The following TSPAN11 variants were observed in gnomAD, a reference collection of about 807,000 sequenced individuals.
The protein encoded by TSPAN11 is tetraspanin 11, also known as tetraspanin-11.
A neutral mutation model predicts 32.9 loss-of-function variants in TSPAN11; 29 were observed. That is an observed-to-expected ratio of 0.88 (90% CI 0.66 to 1.20). The LOEUF (loss-of-function observed/expected upper bound fraction) is 1.20, where lower values mean the gene tolerates loss of function less well. TSPAN11 is among the 50% of genes most tolerant of loss of function. The pLI is 0.00. For missense variants in TSPAN11, 283 were observed against 329.1 expected, an observed-to-expected ratio of 0.86 and a Z score of 1.08; for synonymous variants, 140 against 141.3, an observed-to-expected ratio of 0.99 and a Z score of 0.07.
chr12:30,964,125 G>A (rs1333846241), intron 3 of TSPAN11, 108 bp downstream of exon 3: 5 of 1,295,198 alleles, frequency 3.9e-6, no homozygotes, highest in Non-Finnish European at 5.1e-6. Context: ...GGCTGAGGCT[G>A]TGGGAGTGCC....
intron 1 of TSPAN11, among the ~76,000 whole-genome samples, chr12:30,941,532 C>T (rs1408548895): frequency 6.6e-6 from 1 of 152,198 alleles, no homozygotes; most frequent in Non-Finnish European, 1.5e-5. Context: ...GAACTGAGGC[C>T]CAAAGGCAAG....
Position 30,979,575 on chromosome 12 carries a change from G to A in TSPAN11, c.361G>A (p.Glu121Lys). 1 of 1,614,204 alleles carries A rather than the reference G, an allele frequency of 6.2e-7. No individual in the cohort carries two copies. ...CTCCTACCCTCCTCAGCTGAGTGAT[G>A]AACTGAAGCAGCACTTGAACCGGAC... The part of the protein sequence containing the change: ...AHVYYQRLSD[E>K]LKQHLNRTLA... Residue 121 changes from glutamate to lysine, a missense_variant, in exon 5 of 8, where the codon GAA becomes AAA. Physicochemically the swap from Glu to Lys is moderately conservative, Grantham distance 56. Transcript: ENST00000546076.
intron 5 of TSPAN11, among the ~76,000 whole-genome samples, chr12:30,979,938 C>A (rs1939055034): frequency 6.6e-6 from 1 of 152,226 alleles, no homozygotes; most frequent in Non-Finnish European, 1.5e-5. Context: ...TGCTGCCTTC[C>A]CGTTCTGGGG....
At position 30,963,800 on chromosome 12, in the gene TSPAN11, T is replaced by TG. The variant is rs1225929377; in HGVS notation, c.85-25dup. Reference sequence around the variant, plus strand: ...AGCTGCCGAGGCCCCCGCCACCCCCTGCTCTAACCCGGTGGTCTCCTGCAG... The same window carrying TG: ...AGCTGCCGAGGCCCCCGCCACCCCCTGGCTCTAACCCGGTGGTCTCCTGCAG... On this transcript the variant is annotated intron_variant, in intron 2 of 7. Transcript: ENST00000546076. 1.9e-6 allele frequency: 3 copies of TG among 1,597,578 alleles called. No individual in the cohort carries two copies. The African/African-American group carries it at 4.0e-5, about 21-fold the overall frequency.
Position 30,991,979 on chromosome 12 carries a change from G to A in TSPAN11, c.*64G>A. 1 of 1,583,168 alleles carries A rather than the reference G, an allele frequency of 6.3e-7. No homozygotes were observed. Among genetic ancestry groups the A allele is most frequent in the Non-Finnish European group, 8.7e-7 (1 of 1,152,478 alleles). ...ACATGTGGCCACATGCCATCTGCAA[G>A]GCCTGCAGAGTTAGCACCAGCTCCA... On this transcript the variant is annotated 3_prime_UTR_variant, in exon 8 of 8. Transcript: ENST00000546076.
At chr12:30,932,422 A>C (rs1042893892) in intron 1 of TSPAN11, among the ~76,000 whole-genome samples, 7 of 152,174 alleles carry the variant, frequency 4.6e-5, no homozygotes, top group Non-Finnish European at 8.8e-5. Context: ...TTTTGTTCTT[A>C]CCAGAGCAGT....
chr12:30,982,425 C>T lies in TSPAN11; in HGVS notation c.457-107C>T, dbSNP rs1040517092. The T allele has an allele frequency of 3.6e-5, 52 of 1,440,066 alleles. No individual in the cohort carries two copies. The Middle Eastern group carries it at 7.5e-4, about 21-fold the overall frequency. The allele number at this position is 1,440,066 out of a possible 1,614,324, so 89.2% of individuals were successfully genotyped here. A position where few individuals can be genotyped will look rare whatever the true frequency, so the allele number is the denominator to read the frequency against. On this transcript the variant is annotated intron_variant, in intron 5 of 7. Transcript: ENST00000546076. ...ATACAAATACTAACTAACCATGGTT[C>T]GGGTAGACAAATAGGGGTTGGGTTA...
chr12:30,988,021 G>A (rs1156557890), intron 7 of TSPAN11, among the ~76,000 whole-genome samples: 1 of 152,232 alleles, frequency 6.6e-6, no homozygotes, highest in East Asian at 1.9e-4. Flanking sequence ...GGGCCGGCAG[G>A]GATGCTGAAG....
rs1160837018 is a variant in TSPAN11 at position 30,975,840 on chromosome 12, G to A, written c.277-2721G>A. 6.6e-6 allele frequency among the ~76,000 whole-genome samples: 1 copy of A among 152,140 alleles called. No homozygotes were observed. Among genetic ancestry groups the A allele is most frequent in the Admixed American group, 6.5e-5 (1 of 15,284 alleles). ...CCAGCAGCCTGGGTGCTCCTGTCAG[G>A]GGCACTCCATCACCTCTTCCTCCCA... On this transcript the variant is annotated intron_variant, in intron 3 of 7. Coordinates refer to ENST00000546076, the MANE Select transcript of TSPAN11 (RefSeq NM_001370302.1). The surrounding 1 kb of genome is among the most constrained non-coding windows in gnomAD (Gnocchi z 4.5).
chr12:30,978,485 C>T, intron 3 of TSPAN11, 76 bp from the exon 4 acceptor site: 3 of 1,457,536 alleles, frequency 2.1e-6, no homozygotes, highest in Non-Finnish European at 2.9e-6. Flanking sequence ...CTCTACCACC[C>T]CCACCACTGT....
chr12:30,951,346 A>G (rs1366985668), intron 1 of TSPAN11, among the ~76,000 whole-genome samples: 1 of 152,202 alleles, frequency 6.6e-6, no homozygotes, highest in African/African-American at 2.4e-5. Flanking sequence ...GAGAAGTTCT[A>G]TTCTAACAAA....
At chr12:30,949,974 GCT>G (rs1220575713) in intron 1 of TSPAN11, among the ~76,000 whole-genome samples, 1 of 151,904 alleles carries the variant, frequency 6.6e-6, no homozygotes, top group Non-Finnish European at 1.5e-5. Context: ...TCCTCCAGTG[GCT>G]CTCTTTTTAG....
At chr12:31,010,427 T>G in the TSPAN11 span, among the ~76,000 whole-genome samples, 2 of 152,282 alleles carry the variant, frequency 1.3e-5, no homozygotes, top group East Asian at 3.9e-4. Context: ...ACTTCCCATA[T>G]GTGGAGTGAA....
intron 3 of TSPAN11, among the ~76,000 whole-genome samples, chr12:30,970,283 G>T (rs1040174860): frequency 6.6e-6 from 1 of 152,150 alleles, no homozygotes; most frequent in Non-Finnish European, 1.5e-5. Flanking sequence ...CCCAGTCTGG[G>T]GGCTGCTCTC....
downstream of TSPAN11, among the ~76,000 whole-genome samples, chr12:30,999,780 G>A (rs1319654259): frequency 6.6e-6 from 1 of 152,042 alleles, no homozygotes; most frequent in Non-Finnish European, 1.5e-5. Flanking sequence ...TCCAGAACTC[G>A]GTAACCAGAA....
Position 30,994,168 on chromosome 12 carries a change from C to CA in TSPAN11, c.*2254dup, listed in dbSNP as rs1939371868. 1 of 152,328 alleles carries CA rather than the reference C, an allele frequency of 6.6e-6. No homozygotes were observed. Among genetic ancestry groups the CA allele is most frequent in the African/African-American group, 2.4e-5 (1 of 41,450 alleles). The allele number at this position is 152,328 out of a possible 1,614,324, so 9.4% of individuals were successfully genotyped here. On this transcript the variant is annotated 3_prime_UTR_variant, in exon 8 of 8. Transcript: ENST00000546076. ...GGAGATGAGACAGGGTTAGAGGAAACAGAGGCCCAGGATACGGCAGGTTCT... is the reference window on the plus strand; with the variant it reads ...GGAGATGAGACAGGGTTAGAGGAAACAAGAGGCCCAGGATACGGCAGGTTCT...
chr12:31,013,625 C>CAA, the TSPAN11 span, among the ~76,000 whole-genome samples: 2 of 151,184 alleles, frequency 1.3e-5, no homozygotes, highest in African/African-American at 4.9e-5. Flanking sequence ...CAAAACAAAA[C>CAA]GAGGGAGCAT....
intron 1 of TSPAN11, among the ~76,000 whole-genome samples, chr12:30,941,378 A>T (rs1938160576): frequency 6.6e-6 from 1 of 152,230 alleles, no homozygotes. Context: ...AGCCACGGTT[A>T]TTCCTAGGCA....
chr12:30,932,692 G>A lies in TSPAN11; in HGVS notation c.-12+5896G>A, dbSNP rs557460525. On this transcript the variant is annotated intron_variant, in intron 1 of 7. Coordinates refer to ENST00000546076, the MANE Select transcript of TSPAN11 (RefSeq NM_001370302.1). ...GAGATCTACTAAAACCTATGGAACC[G>A]CAGCACATAGATGGTAAAAATGCTT... is the stretch of plus-strand genomic sequence containing the variant. 7.0e-4 allele frequency among the ~76,000 whole-genome samples: 107 copies of A among 152,232 alleles called. No homozygotes were observed. In the Middle Eastern group the frequency reaches 0.017, roughly 24 times the overall value.
Sources: allele counts gnomAD v4.1 joint callset (sites outside exome capture counted in the v4.1 genomes callset), GRCh38; gene constraint gnomAD v4.1.1; non-coding constraint Gnocchi (gnomAD v3.1); transcripts MANE v1.5; gene names NCBI Gene and HGNC (gene_info 2026-07-23, HGNC 2026-07-21).